The following ISM2 variants were observed in gnomAD, a reference collection of about 807,000 sequenced individuals.
The protein encoded by ISM2 is isthmin-2.
Under a neutral mutation model 58.0 loss-of-function variants are expected in ISM2, and 50 were observed. The observed-to-expected ratio is 0.86, with a 90% confidence interval of 0.69 to 1.09. The LOEUF is 1.09. ISM2 is among the 50% of genes least tolerant of loss of function. The pLI is 0.00. For synonymous variants in ISM2, 303 were observed against 312.4 expected (o/e 0.97, Z 0.32); for missense variants, 723 against 745.0 (o/e 0.97, Z 0.34).
At chr14:77,478,554 A>C (rs1398622960) in intron 5 of ISM2, 21 bp downstream of exon 5, 1 of 1,604,032 alleles carries the variant, frequency 6.2e-7, no homozygotes, top group Non-Finnish European at 8.5e-7. Flanking sequence ...ACTCCTATGC[A>C]GGGGTAGGGG....
At chr14:77,489,926 C>T (rs1273171494) in intron 1 of ISM2, among the ~76,000 whole-genome samples, 2 of 152,192 alleles carry the variant, frequency 1.3e-5, no homozygotes, top group Non-Finnish European at 1.5e-5. Flanking sequence ...TGCAGTGGCA[C>T]GATCTTGGCT....
intron 1 of ISM2, among the ~76,000 whole-genome samples, chr14:77,492,613 C>T (rs2079213104): frequency 1.3e-5 from 2 of 150,558 alleles, no homozygotes; most frequent in African/African-American, 2.4e-5. Flanking sequence ...TCGAACTCCT[C>T]GTGATCCTCC....
chr14:77,486,379 G>A (rs997337037), intron 1 of ISM2, among the ~76,000 whole-genome samples: 2 of 152,126 alleles, frequency 1.3e-5, no homozygotes, highest in Admixed American at 6.5e-5. Context: ...TGCACTAAAC[G>A]CCTGGTCCCA....
rs1302701525 is a variant in ISM2, at chr14:77,478,295, G to A, written c.1145C>T (p.Pro382Leu). Reference protein sequence around the residue: ...GTEDKDTLGLPSEEWKLLARN... With the variant: ...GTEDKDTLGLLSEEWKLLARN... ...GGCCAGGAGCTTCCACTCCTCACTG[G>A]GGAGGCCCAAGGTGTCCTTGTCCTC... The change falls in exon 6 of 7, where the codon CCC becomes CTC. Residue 382 changes from proline (P) to leucine (L), a missense_variant. Physicochemically the swap from Pro to Leu is moderately conservative, Grantham distance 98 (BLOSUM62 -3). Coordinates refer to ENST00000342219, the MANE Select transcript of ISM2 (RefSeq NM_199296.3). The A allele has an allele frequency of 1.9e-6, 3 of 1,614,030 alleles. No individual in the cohort carries two copies. In the East Asian group the frequency reaches 6.7e-5, roughly 36 times the overall value.
At chr14:77,488,303 G>A (rs977025485) in intron 1 of ISM2, among the ~76,000 whole-genome samples, 1 of 152,200 alleles carries the variant, frequency 6.6e-6, no homozygotes, top group East Asian at 1.9e-4. Context: ...GAGGCTCAGG[G>A]AGGGTAGGGA....
At chr14:77,478,830 G>A (rs2079114737) in intron 4 of ISM2, 115 bp from the exon 5 acceptor site, 3 of 1,082,870 alleles carry the variant, frequency 2.8e-6, no homozygotes, top group African/African-American at 3.1e-5. Context: ...AGGGCTTCCA[G>A]CCTCATGAAT....
intron 6 of ISM2, among the ~76,000 whole-genome samples, chr14:77,476,680 T>C (rs1429216432): frequency 6.6e-6 from 1 of 152,188 alleles, no homozygotes; most frequent in African/African-American, 2.4e-5. Context: ...TATTTTTATT[T>C]AATTTTAAAA....
chr14:77,490,105 C>T lies in ISM2; in HGVS notation c.142-5186G>A, dbSNP rs866089973. On this transcript the variant is annotated intron_variant, in intron 1 of 6. Transcript: ENST00000342219. ...GTCTCAATCTCCTGACTTCGTGATCCGCCCTCCTCGGCCTCCCAAAGTGCT... is the reference window on the plus strand; with the variant it reads ...GTCTCAATCTCCTGACTTCGTGATCTGCCCTCCTCGGCCTCCCAAAGTGCT... Among the ~76,000 whole-genome samples, 15 of 152,088 alleles carry T rather than the reference C, an allele frequency of 9.9e-5. 1 individual carries two copies. In the South Asian group the frequency reaches 2.9e-3, roughly 30 times the overall value.
Position 77,475,211 on chromosome 14 carries a change from A to C in ISM2, c.*384T>G. 6.2e-6 allele frequency: 1 copy of C among 160,388 alleles called. No homozygotes were observed. Among genetic ancestry groups the C allele is most frequent in the Non-Finnish European group, 1.4e-5 (1 of 73,796 alleles). The allele number at this position is 160,388 out of a possible 1,614,324, so 9.9% of individuals were successfully genotyped here. ...GAGTGACTCGTGGCAGATCCCGGGA[A>C]TCGGGATTTTTCTGGAGCTGCTGGC... is the stretch of plus-strand genomic sequence containing the variant. On this transcript the variant is annotated 3_prime_UTR_variant, in exon 7 of 7. Transcript: ENST00000342219. This position sits in a 1 kb window ranked among gnomAD's most constrained non-coding sequence, Gnocchi z 4.1.
chr14:77,498,515 G>GC, intron 1 of ISM2, 138 bp downstream of exon 1: 1 of 1,298,682 alleles, frequency 7.7e-7, no homozygotes, highest in Non-Finnish European at 1.0e-6. Flanking sequence ...GGAGCTTCCG[G>GC]CCGGCCCCGG....
chr14:77,474,554 G>C lies in ISM2; in HGVS notation c.*1041C>G, dbSNP rs2079084539. ...ATAGAAGGCAAGGAAGTGCAGCCAG[G>C]GGAATGGGGAGGCAGGGAAGAGGCA... On this transcript the variant is annotated 3_prime_UTR_variant, in exon 7 of 7. Coordinates refer to ENST00000342219, the MANE Select transcript of ISM2 (RefSeq NM_199296.3). The C allele has an allele frequency of 6.6e-6, 1 of 152,326 alleles. No individual in the cohort carries two copies. Among genetic ancestry groups the C allele is most frequent in the Admixed American group, 6.5e-5 (1 of 15,272 alleles). The allele number at this position is 152,326 out of a possible 1,614,324, so 9.4% of individuals were successfully genotyped here.
chr14:77,481,807 G>GAA (rs3075833), intron 4 of ISM2, among the ~76,000 whole-genome samples: 62,076 of 148,190 alleles, frequency 0.42, 15,398 homozygotes, highest in East Asian at 0.94. Flanking sequence ...CAGAAAAAAA[G>GAA]AAAAAAAAAA....
intron 6 of ISM2, among the ~76,000 whole-genome samples, chr14:77,477,496 C>A (rs2079105673): frequency 6.6e-6 from 1 of 152,186 alleles, no homozygotes; most frequent in Non-Finnish European, 1.5e-5. Context: ...ACACATTTCC[C>A]AGGCCCACCC....
intron 1 of ISM2, among the ~76,000 whole-genome samples, chr14:77,497,708 A>G (rs1308379716): frequency 3.5e-5 from 5 of 144,388 alleles, no homozygotes; most frequent in Non-Finnish European, 7.5e-5. Context: ...ATAAAATAAA[A>G]GAGAGGGAGA....
chr14:77,482,832 G>C, intron 3 of ISM2, 165 bp from the exon 4 acceptor site: 2 of 547,216 alleles, frequency 3.7e-6, no homozygotes, highest in East Asian at 3.0e-5. Flanking sequence ...TGGCCTCTTA[G>C]GGCACAAGAA....
At chr14:77,478,408 G>C in intron 5 of ISM2, 83 bp from the exon 6 acceptor site, 2 of 1,444,812 alleles carry the variant, frequency 1.4e-6, no homozygotes, top group Non-Finnish European at 1.9e-6. Context: ...ACCTCAATAG[G>C]CTCTCAGTGC....
At position 77,482,644 on chromosome 14, in the gene ISM2, G is replaced by A. The variant is rs80182458; in HGVS notation, c.651C>T (p.Asp217=). Residue 217 remains aspartate, a synonymous_variant, in exon 4 of 7, where the codon GAC becomes GAT. Coordinates refer to ENST00000342219, the MANE Select transcript of ISM2 (RefSeq NM_199296.3). The part of the protein sequence containing the change: ...DNQVTIKVVE[D]PQAEVSIDLL... ...GGTCTATCGACACCTCGGCCTGGGG[G>A]TCCTCCACCACCTTGATGGTCACCT... is the stretch of plus-strand genomic sequence containing the variant. 2.3e-5 allele frequency: 36 copies of A among 1,561,098 alleles called. No homozygotes were observed. The African/African-American group carries it at 4.3e-4, about 19-fold the overall frequency.
chr14:77,498,492 C>A (rs1429841630), intron 1 of ISM2, 161 bp downstream of exon 1: 1 of 1,225,232 alleles, frequency 8.2e-7, no homozygotes, highest in East Asian at 2.7e-5. Flanking sequence ...ACCTGGGCAA[C>A]GCCCGGTGTC....
chr14:77,475,486 G>A lies in ISM2; in HGVS notation c.*109C>T, dbSNP rs2079090451. 1 of 1,201,510 alleles carries A rather than the reference G, an allele frequency of 8.3e-7. No homozygotes were observed. The highest frequency in any genetic ancestry group is 1.5e-5 in the South Asian group (1 of 65,530). 74.4% of individuals were successfully genotyped at this position (1,201,510 alleles called of 1,614,324 possible). ...CAGCCTCGGACCAACCTCACTGGGG[G>A]AGCCCTTTCCTCACCCTGTCTGGGC... On this transcript the variant is annotated 3_prime_UTR_variant, in exon 7 of 7. Transcript: ENST00000342219. The surrounding 1 kb of genome is among the most constrained non-coding windows in gnomAD (Gnocchi z 4.1).
Sources: gnomAD v4.1 joint callset for allele counts (sites outside exome capture counted in the v4.1 genomes callset) on GRCh38, gnomAD v4.1.1 for gene constraint, Gnocchi (gnomAD v3.1) non-coding constraint, MANE v1.5 for transcripts, NCBI Gene and HGNC (gene_info 2026-07-23, HGNC 2026-07-21) for gene names.